The following ASPRV1 variants were observed in gnomAD, a reference collection of about 807,000 sequenced individuals.
The protein encoded by ASPRV1 is aspartic peptidase retroviral like 1.
Under a neutral mutation model 11.0 loss-of-function variants are expected in ASPRV1, and 7 were observed. The ratio of observed to expected loss-of-function variants is 0.64; its 90% CI spans 0.36 to 1.20. The LOEUF is 1.20. Ranked by LOEUF, ASPRV1 falls within the 50% of genes most tolerant of loss-of-function variation. The pLI is 0.02. For synonymous variants in ASPRV1, 136 were observed against 138.4 expected (o/e 0.98, Z 0.12); for missense variants, 299 against 320.0 (o/e 0.93, Z 0.50).
At chr2:69,967,535 G>A in the ASPRV1 span, among the ~76,000 whole-genome samples, 2 of 152,242 alleles carry the variant, frequency 1.3e-5, no homozygotes, top group African/African-American at 4.8e-5. Context: ...GTTAGTGCAT[G>A]TGGACGCACA....
the ASPRV1 span, among the ~76,000 whole-genome samples, chr2:70,020,042 C>T: frequency 6.6e-6 from 1 of 151,620 alleles, no homozygotes; most frequent in East Asian, 1.9e-4. Context: ...ACCATAAATC[C>T]ATACAATTTT....
At chr2:69,938,353 C>T in the ASPRV1 span, 1 of 1,512,720 alleles carries the variant, frequency 6.6e-7, no homozygotes, top group Non-Finnish European at 9.1e-7. Flanking sequence ...ACGTATTGGA[C>T]CTGCCCACAA....
chr2:70,045,495 C>T, the ASPRV1 span: 1 of 152,240 alleles, frequency 6.6e-6, no homozygotes, highest in Non-Finnish European at 1.5e-5. Flanking sequence ...GTGTGCCCCA[C>T]ACAAATATTC....
the ASPRV1 span, among the ~76,000 whole-genome samples, chr2:70,082,895 A>G: frequency 6.6e-6 from 1 of 152,162 alleles, no homozygotes; most frequent in African/African-American, 2.4e-5. Flanking sequence ...CCTTCTCTCA[A>G]AAAATAAATA....
rs775218716 is a variant in ASPRV1, at chr2:69,961,433, C to A, written c.4G>T (p.Ala2Ser). Reference sequence around the variant, plus strand: ...TCCTCACTCCTGGCTCCGCTCCCGGCCATCCTGCTGCTCTCCTCTGGAACC... The same window carrying A: ...TCCTCACTCCTGGCTCCGCTCCCGGACATCCTGCTGCTCTCCTCTGGAACC... M[A>S]GSGARSEEGR... Residue 2 changes from alanine to serine, a missense_variant, in exon 1 of 1, where the codon GCC (alanine) becomes TCC (serine). Ala to Ser is a moderately conservative substitution (Grantham distance 99). Coordinates refer to ENST00000320256, the MANE Select transcript of ASPRV1 (RefSeq NM_152792.4). 1.2e-6 allele frequency: 2 copies of A among 1,613,968 alleles called. No homozygotes were observed. The highest frequency in any genetic ancestry group is 4.5e-5 in the East Asian group (2 of 44,884).
the ASPRV1 span, among the ~76,000 whole-genome samples, chr2:70,068,943 T>C: frequency 1.3e-5 from 1 of 76,968 alleles, no homozygotes; most frequent in Non-Finnish European, 2.3e-5. Context: ...AAAACTCTTG[T>C]CTCAAAAAAA....
the ASPRV1 span, among the ~76,000 whole-genome samples, chr2:70,052,228 G>GTTT: frequency 1.3e-5 from 2 of 151,612 alleles, no homozygotes. Context: ...GGGAGTCAAA[G>GTTT]AAGACCCCAC....
At chr2:69,996,772 T>C in the ASPRV1 span, 7 of 456,182 alleles carry the variant, frequency 1.5e-5, no homozygotes, top group South Asian at 7.8e-5. Flanking sequence ...GTGTGACACA[T>C]GGGGGCTGCA....
At chr2:70,059,991 A>G in the ASPRV1 span, 1 of 152,222 alleles carries the variant, frequency 6.6e-6, no homozygotes, top group Non-Finnish European at 1.5e-5. Context: ...TCAACTGTAA[A>G]AGACAGACGC....
At chr2:69,950,811 C>A in the ASPRV1 span, among the ~76,000 whole-genome samples, 1 of 150,512 alleles carries the variant, frequency 6.6e-6, no homozygotes, top group African/African-American at 2.4e-5. Flanking sequence ...TCACTGCACT[C>A]CAGCATGGGC....
chr2:69,999,464 G>A, the ASPRV1 span, among the ~76,000 whole-genome samples: 1 of 151,856 alleles, frequency 6.6e-6, no homozygotes, highest in African/African-American at 2.4e-5. Context: ...CACAAGACTG[G>A]CCAACATGGT....
rs568592170 is a variant in ASPRV1 at position 69,961,083 on chromosome 2, A to G, written c.354T>C (p.Ile118=). Residue 118 remains isoleucine (I), a synonymous_variant, in exon 1 of 1, where the codon ATT becomes ATC. Coordinates refer to ENST00000320256, the MANE Select transcript of ASPRV1 (RefSeq NM_152792.4). The part of the protein sequence containing the change: ...MGKGYYLKGK[I]GKVPVRFLVD... ...CCAGGAACCTCACGGGCACTTTGCC[A>G]ATCTTCCCCTTGAGATAGTAGCCCT... 1.2e-6 allele frequency: 2 copies of G among 1,613,576 alleles called. No individual in the cohort carries two copies. The highest frequency in any genetic ancestry group is 2.7e-5 in the African/African-American group (2 of 74,776).
chr2:69,972,361 CTT>C, the ASPRV1 span, among the ~76,000 whole-genome samples: 4 of 135,994 alleles, frequency 2.9e-5, no homozygotes, highest in Non-Finnish European at 1.6e-5. Context: ...GTGCCCGGCC[CTT>C]TTTTTTTTTT....
the ASPRV1 span, among the ~76,000 whole-genome samples, chr2:70,073,921 C>G: frequency 2.0e-5 from 3 of 151,848 alleles, no homozygotes; most frequent in African/African-American, 4.8e-5. Context: ...ATCACGAGGT[C>G]AGGAGATGGA....
the ASPRV1 span, among the ~76,000 whole-genome samples, chr2:69,980,313 T>C: frequency 6.6e-6 from 1 of 152,106 alleles, no homozygotes; most frequent in African/African-American, 2.4e-5. Context: ...GATGAAAAAA[T>C]CCGTAAACTC....
chr2:70,049,586 C>T, the ASPRV1 span: 4 of 152,182 alleles, frequency 2.6e-5, no homozygotes, highest in Non-Finnish European at 5.9e-5. Context: ...GAAAAAATAC[C>T]TGCTACAAGC....
chr2:69,980,036 G>A, the ASPRV1 span, among the ~76,000 whole-genome samples: 1 of 152,230 alleles, frequency 6.6e-6, no homozygotes, highest in African/African-American at 2.4e-5. Context: ...CCAGAGAGCA[G>A]GGAGCCTCAT....
the ASPRV1 span, among the ~76,000 whole-genome samples, chr2:70,082,425 A>G: frequency 6.6e-6 from 1 of 152,020 alleles, no homozygotes; most frequent in South Asian, 2.1e-4. Context: ...AAACAAAAAA[A>G]TTAGGCCGGG....
the ASPRV1 span, among the ~76,000 whole-genome samples, chr2:69,984,019 A>G: frequency 6.6e-6 from 1 of 151,648 alleles, no homozygotes; most frequent in African/African-American, 2.4e-5. Flanking sequence ...CCTTTCTTCA[A>G]CTCTATGAAC....
Sources: allele counts gnomAD v4.1 joint callset (sites outside exome capture counted in the v4.1 genomes callset), GRCh38; gene constraint gnomAD v4.1.1; transcripts MANE v1.5; gene names NCBI Gene and HGNC (gene_info 2026-07-23, HGNC 2026-07-21).